MPHOSPH9: variants seen among roughly 807,000 people sequenced by gnomAD.
The protein encoded by MPHOSPH9 is M-phase phosphoprotein 9.
Under a neutral mutation model 145.5 loss-of-function variants are expected in MPHOSPH9, and 88 were observed. The ratio of observed to expected loss-of-function variants is 0.60; its 90% CI spans 0.51 to 0.72. The LOEUF is 0.72. MPHOSPH9 is among the 30% of genes least tolerant of loss of function. The pLI is 0.00. For synonymous variants in MPHOSPH9, 435 were observed against 486.2 expected (o/e 0.89, Z 1.39); for missense variants, 1,238 against 1,386.6 (o/e 0.89, Z 1.70).
chr12:123,207,128 T>A (rs1424992775), intron 8 of MPHOSPH9, among the ~76,000 whole-genome samples: 19 of 88,340 alleles, frequency 2.2e-4, no homozygotes, highest in South Asian at 7.0e-4. Flanking sequence ...AAGAATAAAA[T>A]ATAAATTCTA....
At chr12:123,182,502 T>C (rs574991604) in intron 13 of MPHOSPH9, among the ~76,000 whole-genome samples, 1 of 151,764 alleles carries the variant, frequency 6.6e-6, no homozygotes, top group Admixed American at 6.6e-5. Context: ...TGCCTTGGCC[T>C]GCCAAAGTGC....
intron 16 of MPHOSPH9, among the ~76,000 whole-genome samples, chr12:123,175,442 G>C (rs757819155): frequency 1.6e-4 from 25 of 151,934 alleles, no homozygotes; most frequent in Admixed American, 1.3e-3. Context: ...CGTGAGCCAC[G>C]GCGCCCAGCC....
intron 13 of MPHOSPH9, among the ~76,000 whole-genome samples, chr12:123,181,636 T>C (rs909717832): frequency 6.6e-6 from 1 of 151,890 alleles, no homozygotes; most frequent in African/African-American, 2.4e-5. Flanking sequence ...GGTGGAAGTA[T>C]TGCTTGAGCC....
At chr12:123,187,017 G>C (rs1251565674) in intron 13 of MPHOSPH9, among the ~76,000 whole-genome samples, 2 of 152,092 alleles carry the variant, frequency 1.3e-5, no homozygotes, top group Non-Finnish European at 2.9e-5. Context: ...CCAGCACCTT[G>C]GGAGGCTGAG....
chr12:123,232,750 G>T (rs1029446033), intron 1 of MPHOSPH9, among the ~76,000 whole-genome samples: 1 of 152,092 alleles, frequency 6.6e-6, no homozygotes, highest in Non-Finnish European at 1.5e-5. Flanking sequence ...CTACAACCGC[G>T]ATTCCAAAAG....
intron 12 of MPHOSPH9, among the ~76,000 whole-genome samples, chr12:123,197,268 A>G (rs973516066): frequency 6.6e-6 from 1 of 151,686 alleles, no homozygotes; most frequent in Admixed American, 6.6e-5. Flanking sequence ...TGCAGCCTCA[A>G]CTTCCTGGGA....
chr12:123,201,897 T>C (rs1309624487), intron 11 of MPHOSPH9, among the ~76,000 whole-genome samples: 1 of 152,158 alleles, frequency 6.6e-6, no homozygotes, highest in Non-Finnish European at 1.5e-5. Context: ...AGAAAGTCCA[T>C]AGTACTGCTC....
At chr12:123,183,043 G>T (rs535836277) in intron 13 of MPHOSPH9, among the ~76,000 whole-genome samples, 1 of 151,182 alleles carries the variant, frequency 6.6e-6, no homozygotes, top group African/African-American at 2.4e-5. Flanking sequence ...GTAAAACTCC[G>T]TCTCTACCAA....
At chr12:123,183,231 TAA>T (rs1448246397) in intron 13 of MPHOSPH9, among the ~76,000 whole-genome samples, 1 of 148,870 alleles carries the variant, frequency 6.7e-6, no homozygotes, top group African/African-American at 2.5e-5. Context: ...GAGATTTCAA[TAA>T]AGTCTTAGAA....
At chr12:123,222,586 G>A (rs1462111637) in intron 4 of MPHOSPH9, among the ~76,000 whole-genome samples, 12 of 151,710 alleles carry the variant, frequency 7.9e-5, no homozygotes, top group African/African-American at 2.2e-4. Context: ...CCTGGGAGGC[G>A]GAGTTTGCAG....
At chr12:123,201,530 C>G (rs2138342888) in intron 11 of MPHOSPH9, among the ~76,000 whole-genome samples, 1 of 152,162 alleles carries the variant, frequency 6.6e-6, no homozygotes, top group South Asian at 2.1e-4. Flanking sequence ...CAGGTACACG[C>G]CACCATGCCC....
intron 13 of MPHOSPH9, among the ~76,000 whole-genome samples, chr12:123,192,650 A>C (rs1232407174): frequency 2.7e-5 from 4 of 150,102 alleles, no homozygotes; most frequent in Non-Finnish European, 5.9e-5. Flanking sequence ...AAAAAAAAAA[A>C]AAAAAAACAG....
Position 123,193,691 on chromosome 12 carries a change from T to A in MPHOSPH9, c.2241+695A>T, listed in dbSNP as rs78095817. On this transcript the variant is annotated intron_variant, in intron 13 of 23. Transcript: ENST00000606320. ...TAATCTGGTTTCAATGTTATACAAA[T>A]CCAAATTTTAAGTGAAATTATATCA... Among the ~76,000 whole-genome samples, 24 of 152,206 alleles carry A rather than the reference T, an allele frequency of 1.6e-4. No homozygotes were observed. The East Asian group carries it at 4.4e-3, about 28-fold the overall frequency.
chr12:123,243,234 A>AT (rs2047971494), intron 1 of MPHOSPH9, among the ~76,000 whole-genome samples: 1 of 142,914 alleles, frequency 7.0e-6, no homozygotes, highest in African/African-American at 2.6e-5. Context: ...CTTTTAAAAC[A>AT]ATTTTTTTTT....
chr12:123,232,026 T>G (rs552016187), intron 1 of MPHOSPH9, among the ~76,000 whole-genome samples: 2 of 150,882 alleles, frequency 1.3e-5, no homozygotes, highest in East Asian at 3.9e-4. Context: ...CAGGAGTGAA[T>G]GCAAAGGGTA....
At chr12:123,236,677 T>C (rs75375467), upstream of MPHOSPH9, among the ~76,000 whole-genome samples, 582 of 152,262 alleles carry the variant, frequency 3.8e-3, 5 homozygotes, top group South Asian at 0.04. Context: ...AATAGAAATA[T>C]AGGCTTTGAG....
intron 20 of MPHOSPH9, 80 bp downstream of exon 20, chr12:123,162,934 G>A (rs2044167201): frequency 1.5e-6 from 2 of 1,332,260 alleles, no homozygotes; most frequent in Admixed American, 6.2e-5. Context: ...AAAAATTAGT[G>A]ATAGCTAGAG....
intron 1 of MPHOSPH9, among the ~76,000 whole-genome samples, chr12:123,241,603 G>C (rs1443501718): frequency 6.6e-6 from 1 of 152,122 alleles, no homozygotes; most frequent in Non-Finnish European, 1.5e-5. Context: ...GCCTCCCAAA[G>C]TGCTGGGATT....
At chr12:123,198,853 A>T (rs2046091805) in intron 11 of MPHOSPH9, among the ~76,000 whole-genome samples, 2 of 149,920 alleles carry the variant, frequency 1.3e-5, no homozygotes, top group African/African-American at 2.5e-5. Context: ...TAATTTTTTT[A>T]AAAGATATAA....
Sources: gnomAD v4.1 joint callset for allele counts (sites outside exome capture counted in the v4.1 genomes callset) on GRCh38, gnomAD v4.1.1 for gene constraint, MANE v1.5 for transcripts, NCBI Gene and HGNC (gene_info 2026-07-23, HGNC 2026-07-21) for gene names.